MARVELD3: variants seen among roughly 807,000 people sequenced by gnomAD.
MARVELD3 encodes the protein MARVEL domain containing 3.
In MARVELD3, 28 loss-of-function variants were observed where a neutral mutation model predicts 33.5. That is an observed-to-expected ratio of 0.84 (90% CI 0.62 to 1.15). The LOEUF (loss-of-function observed/expected upper bound fraction) is 1.15, where lower values mean the gene tolerates loss of function less well. Among genes scored for constraint, MARVELD3 ranks in the 50% most tolerant of loss-of-function variants. MARVELD3 has a pLI of 0.00. For missense variants in MARVELD3, 582 were observed against 547.6 expected, an observed-to-expected ratio of 1.06 and a Z score of -0.63; for synonymous variants, 241 against 230.4, an observed-to-expected ratio of 1.05 and a Z score of -0.42.
downstream of MARVELD3, chr16:71,640,293 T>A: frequency 1.8e-5 from 23 of 1,265,966 alleles, no homozygotes; most frequent in Middle Eastern, 2.5e-4. Context: ...TGACATTGAA[T>A]CAACCACGTC....
chr16:71,641,301 A>C, downstream of MARVELD3: 1 of 366,846 alleles, frequency 2.7e-6, no homozygotes, highest in Non-Finnish European at 5.0e-6. Flanking sequence ...AAAAATACAA[A>C]AAATCGCCGG....
Position 71,626,449 on chromosome 16 carries a change from G to A in MARVELD3, c.220G>A (p.Asp74Asn). The A allele has an allele frequency of 6.5e-7, 1 of 1,549,242 alleles. No homozygotes were observed. Among genetic ancestry groups the A allele is most frequent in the Admixed American group, 2.0e-5 (1 of 51,000 alleles). ...ERDGNRDRNR[D>N]RERERERERD... The stretch of plus-strand genomic sequence containing the variant: ...GGACGGGAACCGCGACCGGAACCGG[G>A]ACCGGGAGAGGGAGAGAGAGAGGGA... Residue 74 changes from aspartate (D) to asparagine (N), a missense_variant, in exon 1 of 3, where the codon GAC (aspartate) becomes AAC (asparagine). By Grantham distance (23) the Asp-to-Asn change is conservative (BLOSUM62 1). Coordinates refer to ENST00000268485, the MANE Select transcript of MARVELD3 (RefSeq NM_052858.6). The surrounding 1 kb of genome is among the most constrained non-coding windows in gnomAD (Gnocchi z 5.3).
At position 71,636,302 on chromosome 16, in the gene MARVELD3, A is replaced by G; in HGVS notation, c.*1499A>G. On this transcript the variant is annotated 3_prime_UTR_variant, in exon 3 of 3. Transcript: ENST00000268485. Reference sequence around the variant, plus strand: ...AAGGTGAGTTCCATTTGAGTTTAGAAAAGGAAATATATATATACATGCTTG... The same window carrying G: ...AAGGTGAGTTCCATTTGAGTTTAGAGAAGGAAATATATATATACATGCTTG... 1 of 301,646 alleles carries G rather than the reference A, an allele frequency of 3.3e-6. No individual in the cohort carries two copies. The highest frequency in any genetic ancestry group is 1.7e-4 in the East Asian group (1 of 5,886). The allele number at this position is 301,646 out of a possible 1,614,324, so 18.7% of individuals were successfully genotyped here.
In MARVELD3 at chr16:71,634,196, G is replaced by A. The variant is rs1269320467; in HGVS notation, c.599G>A (p.Cys200Tyr). ...TGGTAACACCCTTTTTTTGCAGCCT[G>A]CTGCCAAATGCTGGAGGTTCTCCTG... The part of the protein sequence containing the change: ...KCKYLCTGRA[C>Y]CQMLEVLLNL... Residue 200 changes from cysteine (C) to tyrosine (Y), a missense_variant, in exon 3 of 3, where the codon TGC becomes TAC. By Grantham distance (194) the Cys-to-Tyr change is radical. Transcript: ENST00000268485. The A allele has an allele frequency of 4.4e-6, 7 of 1,585,468 alleles. No homozygotes were observed. The South Asian group carries it at 5.7e-5, about 13-fold the overall frequency.
downstream of MARVELD3, chr16:71,640,693 T>C (rs1486837888): frequency 6.2e-7 from 1 of 1,614,210 alleles, no homozygotes. Flanking sequence ...GGGAAGTGGC[T>C]CCTCACGGAG....
chr16:71,626,267 G>A lies in MARVELD3; in HGVS notation c.38G>A (p.Arg13Gln). Residue 13 changes from arginine to glutamine, a missense_variant, in exon 1 of 3, where the codon CGG becomes CAG. Arg to Gln is a conservative substitution (Grantham distance 43). Transcript: ENST00000268485. The surrounding 1 kb of genome is among the most constrained non-coding windows in gnomAD (Gnocchi z 5.3). ...TCGGGGGCTCGCGAGCCCCGGGCCC[G>A]GCCGAGAGAGCGGGACCCGGGACGG... ...DPSGAREPRA[R>Q]PRERDPGRRP... 2 of 1,533,152 alleles carry A rather than the reference G, an allele frequency of 1.3e-6. No homozygotes were observed. The highest frequency in any genetic ancestry group is 1.8e-6 in the Non-Finnish European group (2 of 1,139,710). The allele number at this position is 1,533,152 out of a possible 1,614,324, so 95.0% of individuals were successfully genotyped here.
At chr16:71,628,067 T>G (rs1353329247) in intron 1 of MARVELD3, among the ~76,000 whole-genome samples, 2 of 152,184 alleles carry the variant, frequency 1.3e-5, no homozygotes, top group African/African-American at 4.8e-5. Context: ...GGAGAGCTCC[T>G]ATCCTGAGTT....
chr16:71,640,630 T>C (rs1186299314), downstream of MARVELD3: 1 of 1,614,022 alleles, frequency 6.2e-7, no homozygotes, highest in East Asian at 2.2e-5. Flanking sequence ...GGTCTGGGGG[T>C]CCTCACCATG....
chr16:71,632,897 C>T (rs1182332449), intron 2 of MARVELD3, among the ~76,000 whole-genome samples: 1 of 151,838 alleles, frequency 6.6e-6, no homozygotes, highest in African/African-American at 2.4e-5. Flanking sequence ...CAGGCGTGAG[C>T]CACCGCGCCT....
At chr16:71,640,884 G>A, downstream of MARVELD3, 2 of 1,614,178 alleles carry the variant, frequency 1.2e-6, no homozygotes, top group Non-Finnish European at 1.7e-6. Flanking sequence ...AGCCACCTTT[G>A]CTTGTCTTCT....
In MARVELD3 at chr16:71,634,185, T is replaced by G. The variant is rs991418818; in HGVS notation, c.596-8T>G. 6 of 1,590,886 alleles carry G rather than the reference T, an allele frequency of 3.8e-6. No homozygotes were observed. The highest frequency in any genetic ancestry group is 3.4e-5 in the Admixed American group (2 of 58,268). On this transcript the variant is annotated splice_polypyrimidine_tract_variant and splice_region_variant and intron_variant, in intron 2 of 2. Transcript: ENST00000268485. ...TCACTCAAAAATGGTAACACCCTTT[T>G]TTTGCAGCCTGCTGCCAAATGCTGG...
In MARVELD3 at chr16:71,629,289, C is replaced by T. The variant is rs144276673; in HGVS notation, c.468-78C>T. Reference sequence around the variant, plus strand: ...GTTCTGCTAATATTTGGGCCCAGCACGAGGAGTCAAGAGTTCTAATCCTGA... The same window carrying T: ...GTTCTGCTAATATTTGGGCCCAGCATGAGGAGTCAAGAGTTCTAATCCTGA... On this transcript the variant is annotated intron_variant, in intron 1 of 2. Transcript: ENST00000268485. 450 of 1,426,610 alleles carry T rather than the reference C, an allele frequency of 3.2e-4. 2 individuals are homozygous for T. The African/African-American group carries it at 5.7e-3, about 18-fold the overall frequency. The allele number at this position is 1,426,610 out of a possible 1,614,324, so 88.4% of individuals were successfully genotyped here.
In MARVELD3 at chr16:71,636,199, A is replaced by G; in HGVS notation, c.*1396A>G. The stretch of plus-strand genomic sequence containing the variant: ...GTGAATCCAATAAAAAATCCAAAGA[A>G]TTTTAATTTGGAGTTGATGTCCTCT... On this transcript the variant is annotated 3_prime_UTR_variant, in exon 3 of 3. Coordinates refer to ENST00000268485, the MANE Select transcript of MARVELD3 (RefSeq NM_052858.6). The G allele has an allele frequency of 1.0e-6, 1 of 967,350 alleles. No homozygotes were observed. Among genetic ancestry groups the G allele is most frequent in the Non-Finnish European group, 1.2e-6 (1 of 813,174 alleles). The allele number at this position is 967,350 out of a possible 1,614,324, so 59.9% of individuals were successfully genotyped here.
At chr16:71,630,726 C>T (rs905261818) in intron 2 of MARVELD3, among the ~76,000 whole-genome samples, 9 of 151,524 alleles carry the variant, frequency 5.9e-5, no homozygotes, top group Admixed American at 2.6e-4. Context: ...ACATTAAGAC[C>T]GAGTTCACAC....
rs1230813918 is a variant in MARVELD3 at position 71,626,347 on chromosome 16, G to A, written c.118G>A (p.Asp40Asn). ...THDRPRDRPGDPRRKRSSDGN... is the reference protein window; with the variant it reads ...THDRPRDRPGNPRRKRSSDGN... ...CGATCGACCGCGGGACCGACCCGGG[G>A]ACCCGCGCAGGAAGCGAAGCAGCGA... The change falls in exon 1 of 3, where the codon GAC becomes AAC. Residue 40 changes from aspartate (D) to asparagine (N), a missense_variant. Transcript: ENST00000268485. The surrounding 1 kb of genome is among the most constrained non-coding windows in gnomAD (Gnocchi z 5.3). 1 of 1,548,258 alleles carries A rather than the reference G, an allele frequency of 6.5e-7. No homozygotes were observed. The highest frequency in any genetic ancestry group is 1.2e-5 in the South Asian group (1 of 83,944).
rs2044570722 is a variant in MARVELD3, at chr16:71,635,083, T to C, written c.*280T>C. On this transcript the variant is annotated 3_prime_UTR_variant, in exon 3 of 3. Transcript: ENST00000268485. Reference sequence around the variant, plus strand: ...CGGCTCACACCTGTAACCCCAGCACTTTGGGAGGCTGAGGTGGGTGGATCA... The same window carrying C: ...CGGCTCACACCTGTAACCCCAGCACCTTGGGAGGCTGAGGTGGGTGGATCA... 1 of 1,066,804 alleles carries C rather than the reference T, an allele frequency of 9.4e-7. No homozygotes were observed. The highest frequency in any genetic ancestry group is 1.1e-6 in the Non-Finnish European group (1 of 877,146). 66.1% of individuals were successfully genotyped at this position (1,066,804 alleles called of 1,614,324 possible). A position where few individuals can be genotyped will look rare whatever the true frequency, so the allele number is the denominator to read the frequency against.
rs777997339 is a variant in MARVELD3, at chr16:71,634,549, A to C, written c.952A>C (p.Ile318Leu). The change falls in exon 3 of 3, where the codon ATC (isoleucine) becomes CTC (leucine). Residue 318 changes from isoleucine (I) to leucine (L), a missense_variant. Transcript: ENST00000268485. ...GGACATGCTCATCGCGGGGGGGTACATCCCGGCCTTGTACTTCTACTTCCA... is the reference window on the plus strand; with the variant it reads ...GGACATGCTCATCGCGGGGGGGTACCTCCCGGCCTTGTACTTCTACTTCCA... ...LLDMLIAGGY[I>L]PALYFYFHYL... The C allele has an allele frequency of 2.5e-6, 4 of 1,614,148 alleles. No individual in the cohort carries two copies. The highest frequency in any genetic ancestry group is 2.2e-5 in the East Asian group (1 of 44,868).
Position 71,626,239 on chromosome 16 carries a change from C to T in MARVELD3, c.10C>T (p.Pro4Ser). ...GACACGGAACCCGGCCATGGAAGATCCGTCGGGGGCTCGCGAGCCCCGGGC... is the reference window on the plus strand; with the variant it reads ...GACACGGAACCCGGCCATGGAAGATTCGTCGGGGGCTCGCGAGCCCCGGGC... MED[P>S]SGAREPRARP... Residue 4 changes from proline to serine, a missense_variant, in exon 1 of 3, where the codon CCG (proline) becomes TCG (serine). Coordinates refer to ENST00000268485, the MANE Select transcript of MARVELD3 (RefSeq NM_052858.6). This position sits in a 1 kb window ranked among gnomAD's most constrained non-coding sequence, Gnocchi z 5.3. 1 of 1,495,668 alleles carries T rather than the reference C, an allele frequency of 6.7e-7. No individual in the cohort carries two copies. The highest frequency in any genetic ancestry group is 1.4e-5 in the African/African-American group (1 of 71,042). 92.6% of individuals were successfully genotyped at this position (1,495,668 alleles called of 1,614,324 possible).
intron 2 of MARVELD3, 37 bp from the exon 3 acceptor site, chr16:71,634,156 A>T: frequency 1.3e-6 from 2 of 1,566,052 alleles, no homozygotes; most frequent in Non-Finnish European, 1.7e-6. Context: ...GGTGCCAAAC[A>T]GCATCACTCA....
Sources: allele counts gnomAD v4.1 joint callset (sites outside exome capture counted in the v4.1 genomes callset), GRCh38; gene constraint gnomAD v4.1.1; non-coding constraint Gnocchi (gnomAD v3.1); transcripts MANE v1.5; gene names NCBI Gene and HGNC (gene_info 2026-07-23, HGNC 2026-07-21).